Variants in SLC28A1 observed in about 807,000 individuals in gnomAD.
SLC28A1 encodes sodium/nucleoside cotransporter 1.
Under a neutral mutation model 74.8 loss-of-function variants are expected in SLC28A1, and 64 were observed. The observed-to-expected ratio is 0.86, with a 90% CI of 0.70 to 1.05. The LOEUF is 1.05. SLC28A1 is among the 50% of genes least tolerant of loss of function. The pLI is 0.00. For synonymous variants in SLC28A1, 359 were observed against 335.0 expected (o/e 1.07, Z -0.78); for missense variants, 828 against 822.8 (o/e 1.01, Z -0.08).
intron 9 of SLC28A1, among the ~76,000 whole-genome samples, chr15:84,912,806 G>GCGCGCGCACACA (rs764101004): frequency 3.6e-5 from 4 of 112,202 alleles, no homozygotes; most frequent in African/African-American, 1.3e-4. Context: ...TTGCGCGCGC[G>GCGCGCGCACACA]CACACACACA....
chr15:84,888,901 A>C (rs1472409812), intron 4 of SLC28A1, 41 bp downstream of exon 4: 22 of 1,430,268 alleles, frequency 1.5e-5, no homozygotes, highest in Non-Finnish European at 2.1e-5. Flanking sequence ...CCTGGGGTGG[A>C]GGCTGCTTGG....
At chr15:84,972,240 G>C in the SLC28A1 span, among the ~76,000 whole-genome samples, 1 of 152,334 alleles carries the variant, frequency 6.6e-6, no homozygotes, top group African/African-American at 2.4e-5. Context: ...TTGGAGGAAA[G>C]GGATGGAAAG....
chr15:84,933,272 A>G lies in SLC28A1; in HGVS notation c.1211A>G (p.Tyr404Cys), dbSNP rs1227929735. The part of the protein sequence containing the change: ...FRREEGVKLT[Y>C]GDAQNLIEAA... Reference sequence around the variant, plus strand: ...AGGGAGGAAGGAGTGAAACTGACCTATGGGTGAGCACAGCAGGAGGTCCTG... The same window carrying G: ...AGGGAGGAAGGAGTGAAACTGACCTGTGGGTGAGCACAGCAGGAGGTCCTG... The change falls in exon 13 of 19, where the codon TAT becomes TGT. Residue 404 changes from tyrosine to cysteine, a missense_variant. By Grantham distance (194) the Tyr-to-Cys change is radical (BLOSUM62 -2). Transcript: ENST00000394573. The G allele has an allele frequency of 5.6e-6, 9 of 1,612,440 alleles. No individual in the cohort carries two copies. In the South Asian group the frequency reaches 8.8e-5, roughly 16 times the overall value.
At chr15:84,900,154 T>G (rs1966504659) in intron 6 of SLC28A1, among the ~76,000 whole-genome samples, 1 of 151,100 alleles carries the variant, frequency 6.6e-6, no homozygotes, top group Non-Finnish European at 1.5e-5. Context: ...CTGTCTCTAA[T>G]AAAAATATAT....
Position 84,894,932 on chromosome 15 carries a change from T to A in SLC28A1, c.278-8T>A, listed in dbSNP as rs780819496. 6.2e-7 allele frequency: 1 copy of A among 1,613,900 alleles called. No homozygotes were observed. The highest frequency in any genetic ancestry group is 8.5e-7 in the Non-Finnish European group (1 of 1,179,924). Reference sequence around the variant, plus strand: ...GGCTGTTGACCCCTCCTCTGTCTCATCCCCCAGGGCTCTCTGCCTTCCTGC... The same window carrying A: ...GGCTGTTGACCCCTCCTCTGTCTCAACCCCCAGGGCTCTCTGCCTTCCTGC... On this transcript the variant is annotated splice_polypyrimidine_tract_variant and splice_region_variant and intron_variant, in intron 5 of 18. Coordinates refer to ENST00000394573, the MANE Select transcript of SLC28A1 (RefSeq NM_004213.5).
chr15:84,945,185 G>A lies in SLC28A1; in HGVS notation c.1935G>A (p.Thr645=), dbSNP rs1010581813. Reference sequence around the variant, plus strand: ...ACTGCTGTCGGTTTTACAACCACACGATCTGTGCACAGTGAGGACAGAACA... The same window carrying A: ...ACTGCTGTCGGTTTTACAACCACACAATCTGTGCACAGTGAGGACAGAACA... The part of the protein sequence containing the change: ...LDNCCRFYNH[T]ICAQ Residue 645 remains threonine (T), a synonymous_variant, in exon 19 of 19, where the codon ACG becomes ACA. Coordinates refer to ENST00000394573, the MANE Select transcript of SLC28A1 (RefSeq NM_004213.5). The A allele has an allele frequency of 2.5e-6, 4 of 1,613,834 alleles. No homozygotes were observed. Among genetic ancestry groups the A allele is most frequent in the Middle Eastern group, 1.6e-4 (1 of 6,084 alleles).
intron 12 of SLC28A1, among the ~76,000 whole-genome samples, chr15:84,931,376 T>C (rs1192587176): frequency 3.3e-5 from 5 of 151,546 alleles, no homozygotes; most frequent in Non-Finnish European, 5.9e-5. Context: ...TTTTGAGAGA[T>C]ACCAAAACAC....
chr15:84,975,601 T>G, the SLC28A1 span: 1 of 452,816 alleles, frequency 2.2e-6, no homozygotes. Flanking sequence ...AAATAAATGC[T>G]CTTCATTTAT....
chr15:84,891,643 C>T lies in SLC28A1; in HGVS notation c.277+1109C>T, dbSNP rs986584866. ...AGATCAGCAGCATCTCTGCAAGACCCGCAGGACAAAAACTGAGCCATGTCC... is the reference window on the plus strand; with the variant it reads ...AGATCAGCAGCATCTCTGCAAGACCTGCAGGACAAAAACTGAGCCATGTCC... On this transcript the variant is annotated intron_variant, in intron 5 of 18. Transcript: ENST00000394573. 3.9e-5 allele frequency among the ~76,000 whole-genome samples: 6 copies of T among 152,264 alleles called. No homozygotes were observed. In the East Asian group the frequency reaches 5.8e-4, roughly 15 times the overall value.
At chr15:84,951,579 C>T in the SLC28A1 span, among the ~76,000 whole-genome samples, 1 of 152,006 alleles carries the variant, frequency 6.6e-6, no homozygotes, top group African/African-American at 2.4e-5. Context: ...TATGAGCCTG[C>T]TAGTAGACAG....
At chr15:84,956,018 C>A in the SLC28A1 span, among the ~76,000 whole-genome samples, 1 of 152,090 alleles carries the variant, frequency 6.6e-6, no homozygotes, top group Non-Finnish European at 1.5e-5. Flanking sequence ...CAAATGGTAC[C>A]ATAGTTATAT....
At chr15:84,928,538 CTT>C (rs1970786577) in intron 12 of SLC28A1, among the ~76,000 whole-genome samples, 3 of 13,848 alleles carry the variant, frequency 2.2e-4, no homozygotes, top group Non-Finnish European at 3.6e-4. Flanking sequence ...TTCTTTCTTT[CTT>C]TCTTTCTTTC....
At chr15:84,904,268 G>C in intron 7 of SLC28A1, 30 bp downstream of exon 7, 1 of 1,612,598 alleles carries the variant, frequency 6.2e-7, no homozygotes, top group South Asian at 1.1e-5. Flanking sequence ...CCCAGGGCTG[G>C]AAGTGTTTGC....
Position 84,912,796 on chromosome 15 carries a change from T to TTGCGCGCGCG in SLC28A1, c.795+4002_795+4011dup, listed in dbSNP as rs1380645793. ...CCCCAGTGGTCAACAGTGCCAAATT[T>TTGCGCGCGCG]TGCGCGCGCGCACACACACACACAC... On this transcript the variant is annotated intron_variant, in intron 9 of 18. Coordinates refer to ENST00000394573, the MANE Select transcript of SLC28A1 (RefSeq NM_004213.5). 4.3e-3 allele frequency among the ~76,000 whole-genome samples: 193 copies of TTGCGCGCGCG among 45,220 alleles called. 2 individuals carry two copies. Among genetic ancestry groups the TTGCGCGCGCG allele is most frequent in the African/African-American group, 0.013 (181 of 13,574 alleles). The allele number at this position is 45,220 out of a possible 152,430, so 29.7% of individuals were successfully genotyped here.
rs201699816 is a variant in SLC28A1 at position 84,935,214 on chromosome 15, A to T, written c.1383+20A>T. On this transcript the variant is annotated intron_variant, in intron 14 of 18. Coordinates refer to ENST00000394573, the MANE Select transcript of SLC28A1 (RefSeq NM_004213.5). ...TTCCAGGTGCGTTTCTGGCCACCAC[A>T]CTCAGTCTGTAGAGAGGATGGCCCC... 186 of 1,613,654 alleles carry T rather than the reference A, an allele frequency of 1.2e-4. No individual in the cohort carries two copies. Among genetic ancestry groups the T allele is most frequent in the Non-Finnish European group, 4.7e-5 (55 of 1,179,654 alleles).
chr15:84,963,196 A>C, the SLC28A1 span, among the ~76,000 whole-genome samples: 1 of 152,172 alleles, frequency 6.6e-6, no homozygotes, highest in Non-Finnish European at 1.5e-5. Flanking sequence ...GAAACAGGCC[A>C]AACCACTCCA....
chr15:84,956,716 G>T, the SLC28A1 span, among the ~76,000 whole-genome samples: 27 of 149,334 alleles, frequency 1.8e-4, no homozygotes, highest in Non-Finnish European at 3.7e-4. Context: ...TGTTGCTAAG[G>T]CTGATTTCAA....
At chr15:84,894,291 G>T (rs980109819) in intron 5 of SLC28A1, among the ~76,000 whole-genome samples, 2 of 151,346 alleles carry the variant, frequency 1.3e-5, no homozygotes, top group African/African-American at 4.9e-5. Context: ...AGGGTTGCTT[G>T]GACCCAGGAG....
At chr15:84,963,514 G>T in the SLC28A1 span, among the ~76,000 whole-genome samples, 1 of 152,178 alleles carries the variant, frequency 6.6e-6, no homozygotes, top group African/African-American at 2.4e-5. Flanking sequence ...CGTGGCGGAG[G>T]GTGGGACACC....
Sources: allele counts gnomAD v4.1 joint callset (sites outside exome capture counted in the v4.1 genomes callset), GRCh38; gene constraint gnomAD v4.1.1; transcripts MANE v1.5; gene names NCBI Gene and HGNC (gene_info 2026-07-23, HGNC 2026-07-21).